The following ZBTB1 variants were observed in gnomAD, a reference collection of about 807,000 sequenced individuals.
ZBTB1 encodes zinc finger and BTB domain containing 1.
A neutral mutation model predicts 51.6 loss-of-function variants in ZBTB1; 13 were observed. That is an observed-to-expected ratio of 0.25 (90% confidence interval 0.16 to 0.40). ZBTB1 has a LOEUF of 0.40. Among genes scored for constraint, ZBTB1 ranks in the 10% least tolerant of loss-of-function variants. The pLI is 1.00. For synonymous variants in ZBTB1, 240 were observed against 282.2 expected (o/e 0.85, Z 1.50); for missense variants, 567 against 856.5 (o/e 0.66, Z 4.22).
exon 3 of ZBTB1, chr14:64,532,165 AACATC>A: frequency 2.6e-6 from 1 of 381,718 alleles, no homozygotes; most frequent in Non-Finnish European, 4.7e-6. Context: ...AAATTCATAC[AACATC>A]AGTGGTTACA....
At position 64,524,084 on chromosome 14, in the gene ZBTB1, C is replaced by T. The variant is rs1408042849; in HGVS notation, c.*438C>T. 1 of 983,822 alleles carries T rather than the reference C, an allele frequency of 1.0e-6. No individual in the cohort carries two copies. Among genetic ancestry groups the T allele is most frequent in the African/African-American group, 1.8e-5 (1 of 56,974 alleles). 60.9% of individuals were successfully genotyped at this position (983,822 alleles called of 1,614,324 possible). On this transcript the variant is annotated 3_prime_UTR_variant, in exon 2 of 2. Transcript: ENST00000683701. ...TCCTTAAGTAATTATTTGAAACTAT[C>T]CCGTTTGCTTTTAGTGAGTTAACTA... is the stretch of plus-strand genomic sequence containing the variant.
At position 64,523,286 on chromosome 14, in the gene ZBTB1, A is replaced by G. The variant is rs983761038; in HGVS notation, c.1782A>G (p.Arg594=). 5 of 1,614,070 alleles carry G rather than the reference A, an allele frequency of 3.1e-6. No homozygotes were observed. In the African/African-American group the frequency reaches 6.7e-5, roughly 22 times the overall value. The part of the protein sequence containing the change: ...GKGFYQRCHL[R]EHYTVHTKEK... ...GATTTTATCAGCGGTGTCACTTAAG[A>G]GAACACTATACTGTTCATACTAAGG... is the stretch of plus-strand genomic sequence containing the variant. Residue 594 remains arginine, a synonymous_variant, in exon 2 of 2, where the codon AGA becomes AGG. Transcript: ENST00000683701. This position sits in a 1 kb window ranked among gnomAD's most constrained non-coding sequence, Gnocchi z 4.5.
downstream of ZBTB1, among the ~76,000 whole-genome samples, chr14:64,527,078 AAT>A (rs1292264705): frequency 6.6e-6 from 1 of 151,958 alleles, no homozygotes; most frequent in African/African-American, 2.4e-5. Flanking sequence ...ACATGGGTTA[AAT>A]GGTATATGGC....
rs2079888160 is a variant in ZBTB1 at position 64,524,500 on chromosome 14, T to G, written c.*854T>G. On this transcript the variant is annotated 3_prime_UTR_variant, in exon 2 of 2. Coordinates refer to ENST00000683701, the MANE Select transcript of ZBTB1 (RefSeq NM_001123329.2). ...GTGTTAGCTTATCAATTATTTTTGTTTATAAATAGACTTTAATAGCTCTCT... is the reference window on the plus strand; with the variant it reads ...GTGTTAGCTTATCAATTATTTTTGTGTATAAATAGACTTTAATAGCTCTCT... 14 of 944,586 alleles carry G rather than the reference T, an allele frequency of 1.5e-5. No individual in the cohort carries two copies. Among genetic ancestry groups the G allele is most frequent in the Non-Finnish European group, 1.8e-5 (14 of 792,966 alleles). 58.5% of individuals were successfully genotyped at this position (944,586 alleles called of 1,614,324 possible).
chr14:64,518,904 G>GTGTATATA (rs71444662), intron 1 of ZBTB1, among the ~76,000 whole-genome samples: 2 of 95,122 alleles, frequency 2.1e-5, no homozygotes, highest in African/African-American at 4.4e-5. Flanking sequence ...TTGCAGAGAG[G>GTGTATATA]TATATATATA....
At chr14:64,504,608 GGTGCCCCTA>G, upstream of ZBTB1, 1 of 285,366 alleles carries the variant, frequency 3.5e-6, no homozygotes, top group Non-Finnish European at 6.5e-6. Context: ...GGCGACCGCG[GGTGCCCCTA>G]GCAGCCAGCG....
At chr14:64,518,904 G>GTGTATATATATATATATATA (rs71444662) in intron 1 of ZBTB1, among the ~76,000 whole-genome samples, 2 of 95,128 alleles carry the variant, frequency 2.1e-5, no homozygotes, top group Non-Finnish European at 4.0e-5. Flanking sequence ...TTGCAGAGAG[G>GTGTATATATATATATATATA]TATATATATA....
chr14:64,515,718 C>T (rs938920894), intron 1 of ZBTB1, among the ~76,000 whole-genome samples: 7 of 152,052 alleles, frequency 4.6e-5, no homozygotes, highest in Non-Finnish European at 7.4e-5. Context: ...GACAGGGTTT[C>T]ACTGTGTTAG....
chr14:64,504,561 C>A (rs1049226089), upstream of ZBTB1: 1 of 198,268 alleles, frequency 5.0e-6, no homozygotes, highest in Non-Finnish European at 1.0e-5. Context: ...GCGCCAGCCT[C>A]CTCGGAGCTC....
chr14:64,531,795 G>C, intron 2 of ZBTB1: 1 of 1,592,350 alleles, frequency 6.3e-7, no homozygotes. Context: ...GAATTATGTT[G>C]TATCTTGTAG....
Position 64,522,587 on chromosome 14 carries a change from A to G in ZBTB1, c.1083A>G (p.Leu361=). ...ATGAATCCACTGACAATGATGAATT[A>G]GAAGATGAACCTGAAGAGCCATTTT... The part of the protein sequence containing the change: ...DCNESTDNDE[L]EDEPEEPFYR... The change falls in exon 2 of 2, where the codon TTA becomes TTG. Residue 361 remains leucine, a synonymous_variant. Transcript: ENST00000683701. 2 of 1,613,924 alleles carry G rather than the reference A, an allele frequency of 1.2e-6. No individual in the cohort carries two copies. Among genetic ancestry groups the G allele is most frequent in the South Asian group, 1.1e-5 (1 of 91,036 alleles).
At chr14:64,504,347 C>T (rs887696531), upstream of ZBTB1, 4 of 147,516 alleles carry the variant, frequency 2.7e-5, no homozygotes, top group African/African-American at 9.7e-5. Flanking sequence ...GAGTGACGGC[C>T]CAGCTGCTGG....
In ZBTB1 at chr14:64,518,675, T is replaced by C. The variant is rs146746677; in HGVS notation, c.-18-2812T>C. The C allele has an allele frequency of 1.1e-4, 17 of 152,204 alleles. 1 individual carries two copies. In the East Asian group the frequency reaches 3.1e-3, roughly 28 times the overall value. The allele number at this position is 152,204 out of a possible 1,614,324, so 9.4% of individuals were successfully genotyped here. A position where few individuals can be genotyped will look rare whatever the true frequency, so the allele number is the denominator to read the frequency against. On this transcript the variant is annotated intron_variant, in intron 1 of 1. Coordinates refer to ENST00000683701, the MANE Select transcript of ZBTB1 (RefSeq NM_001123329.2). Reference sequence around the variant, plus strand: ...TCTTTTTAAGTTCAGTCAAATTGCATAGGAACTTATTTTTAAGTAGAAGAT... The same window carrying C: ...TCTTTTTAAGTTCAGTCAAATTGCACAGGAACTTATTTTTAAGTAGAAGAT...
At chr14:64,517,790 T>G (rs1194738426) in intron 1 of ZBTB1, among the ~76,000 whole-genome samples, 1 of 129,478 alleles carries the variant, frequency 7.7e-6, no homozygotes, top group African/African-American at 2.9e-5. Context: ...TATTTTTTTT[T>G]TTTTTTTTTT....
At chr14:64,518,552 A>G (rs923043168) in intron 1 of ZBTB1, 5 of 152,198 alleles carry the variant, frequency 3.3e-5, no homozygotes, top group African/African-American at 1.2e-4. Flanking sequence ...AGGAATGGAT[A>G]AAAAGCAAAT....
At chr14:64,517,781 A>ATATATATATTTTTTTTTTTT (rs1160337478) in intron 1 of ZBTB1, among the ~76,000 whole-genome samples, 11 of 41,558 alleles carry the variant, frequency 2.6e-4, no homozygotes, top group Non-Finnish European at 4.2e-4. Flanking sequence ...ATATATATAT[A>ATATATATATTTTTTTTTTTT]TTTTTTTTTT....
rs116382564 is a variant in ZBTB1 at position 64,512,159 on chromosome 14, A to G, written c.-19+7213A>G. On this transcript the variant is annotated intron_variant, in intron 1 of 1. Transcript: ENST00000683701. ...AGGCAAAGGAACATTTGTCATCTCTAATTTATTTAAGAGTCCTCTGAGAAG... is the reference window on the plus strand; with the variant it reads ...AGGCAAAGGAACATTTGTCATCTCTGATTTATTTAAGAGTCCTCTGAGAAG... Among the ~76,000 whole-genome samples the G allele has an allele frequency of 1.8e-3, 273 of 152,272 alleles. 2 individuals carry two copies. The highest frequency in any genetic ancestry group is 6.1e-3 in the African/African-American group (255 of 41,548).
downstream of ZBTB1, among the ~76,000 whole-genome samples, chr14:64,529,736 A>G (rs2079929351): frequency 6.6e-6 from 1 of 152,168 alleles, no homozygotes; most frequent in Non-Finnish European, 1.5e-5. Flanking sequence ...GTGTCACTGC[A>G]CTCCAGCCTG....
At chr14:64,510,582 G>GA (rs1248807999) in intron 1 of ZBTB1, among the ~76,000 whole-genome samples, 1 of 152,108 alleles carries the variant, frequency 6.6e-6, no homozygotes, top group African/African-American at 2.4e-5. Flanking sequence ...GGGGAAGTAA[G>GA]AAATTTATGA....
Sources: gnomAD v4.1 joint callset for allele counts (sites outside exome capture counted in the v4.1 genomes callset) on GRCh38, gnomAD v4.1.1 for gene constraint, Gnocchi (gnomAD v3.1) non-coding constraint, MANE v1.5 for transcripts, NCBI Gene and HGNC (gene_info 2026-07-23, HGNC 2026-07-21) for gene names.